The following GSDME variants were observed in gnomAD, a reference collection of about 807,000 sequenced individuals.
GSDME encodes gasdermin E, also known as gasdermin-E.
GSDME carries 44 observed loss-of-function variants against 47.5 expected under a neutral mutation model. The observed-to-expected ratio is 0.93, with a 90% CI of 0.73 to 1.19. The LOEUF is 1.19. GSDME is among the 50% of genes most tolerant of loss of function. The pLI is 0.00. For synonymous variants in GSDME, 258 were observed against 252.8 expected, an observed-to-expected ratio of 1.02 and a Z score of -0.20; for missense variants, 663 against 604.2, an observed-to-expected ratio of 1.10 and a Z score of -1.02.
Position 24,744,786 on chromosome 7 carries a change from A to G in GSDME, c.212-32T>C, listed in dbSNP as rs751218172. On this transcript the variant is annotated intron_variant, in intron 2 of 9. Coordinates refer to ENST00000645220, the MANE Select transcript of GSDME (RefSeq NM_001127453.2). This position sits in a 1 kb window ranked among gnomAD's most constrained non-coding sequence, Gnocchi z 4.5. ...TGGAGGAGACGAGCAGAGGAAGCCG[A>G]TGATGATAAGGCCACCAAGATGTCT... 1.9e-5 allele frequency: 30 copies of G among 1,607,916 alleles called. No homozygotes were observed. The highest frequency in any genetic ancestry group is 2.5e-5 in the Non-Finnish European group (30 of 1,178,718).
At chr7:24,772,825 C>T in the GSDME span, among the ~76,000 whole-genome samples, 2 of 152,100 alleles carry the variant, frequency 1.3e-5, no homozygotes, top group South Asian at 4.2e-4. This position sits in a 1 kb window ranked among gnomAD's most constrained non-coding sequence, Gnocchi z 4.5. Context: ...ACTGGTTGCC[C>T]GGTTGCCTCT....
upstream of GSDME, among the ~76,000 whole-genome samples, chr7:24,759,826 C>G (rs891984038): frequency 6.6e-6 from 1 of 152,222 alleles, no homozygotes; most frequent in African/African-American, 2.4e-5. Context: ...GCTGCTCTCC[C>G]TGTCCAATGG....
At position 24,714,850 on chromosome 7, in the gene GSDME, C is replaced by T. The variant is rs572938188; in HGVS notation, c.697+2404G>A. Among the ~76,000 whole-genome samples, 2 of 152,252 alleles carry T rather than the reference C, an allele frequency of 1.3e-5. No homozygotes were observed. The highest frequency in any genetic ancestry group is 4.2e-4 in the South Asian group (2 of 4,810). On this transcript the variant is annotated intron_variant, in intron 5 of 9. Transcript: ENST00000645220. This position sits in a 1 kb window ranked among gnomAD's most constrained non-coding sequence, Gnocchi z 5.0. ...GCAGCCCAGGCCTGGGTCCCCGCCA[C>T]CGAAGGGTCCGCAGAGCACTCCTGG...
At chr7:24,727,758 C>A (rs543359288) in intron 3 of GSDME, among the ~76,000 whole-genome samples, 2 of 152,214 alleles carry the variant, frequency 1.3e-5, no homozygotes, top group Non-Finnish European at 2.9e-5. Context: ...AGTAACTGCC[C>A]CCCTAAAATC....
the GSDME span, among the ~76,000 whole-genome samples, chr7:24,791,767 C>T: frequency 7.9e-5 from 12 of 152,352 alleles, no homozygotes; most frequent in Admixed American, 7.8e-4. This position sits in a 1 kb window ranked among gnomAD's most constrained non-coding sequence, Gnocchi z 4.8. Context: ...TACCACCAGA[C>T]ATCCTCTCGG....
At chr7:24,772,910 T>A in the GSDME span, among the ~76,000 whole-genome samples, 3 of 152,242 alleles carry the variant, frequency 2.0e-5, no homozygotes, top group African/African-American at 7.2e-5. The surrounding 1 kb of genome is among the most constrained non-coding windows in gnomAD (Gnocchi z 4.5). Context: ...AGATAAAGAA[T>A]CTAATTGCTA....
intron 7 of GSDME, chr7:24,707,239 G>A (rs1361174423): frequency 2.6e-5 from 12 of 462,922 alleles, no homozygotes; most frequent in Non-Finnish European, 8.9e-6. Flanking sequence ...CAAACTCCCT[G>A]CATAATATAA....
upstream of GSDME, among the ~76,000 whole-genome samples, chr7:24,759,176 T>C (rs1440490487): frequency 6.6e-6 from 1 of 152,238 alleles, no homozygotes; most frequent in African/African-American, 2.4e-5. Context: ...ATTGGTTCTC[T>C]ATCATTATAA....
intron 4 of GSDME, among the ~76,000 whole-genome samples, 167 bp from the exon 5 acceptor site, chr7:24,717,541 C>G (rs1022087683): frequency 3.3e-5 from 5 of 152,138 alleles, no homozygotes; most frequent in African/African-American, 1.2e-4. Flanking sequence ...GGGATTCAAT[C>G]CTTGTTGGCA....
chr7:24,755,375 T>C lies in GSDME; in HGVS notation c.-20+2021A>G, dbSNP rs181927659. On this transcript the variant is annotated intron_variant, in intron 1 of 9. Coordinates refer to ENST00000645220, the MANE Select transcript of GSDME (RefSeq NM_001127453.2). ...TGACCAATCACAGCTATAGCCTCTCTCTGGCCTTCTCTCATTTTTGACGAG... is the reference window on the plus strand; with the variant it reads ...TGACCAATCACAGCTATAGCCTCTCCCTGGCCTTCTCTCATTTTTGACGAG... Among the ~76,000 whole-genome samples the C allele has an allele frequency of 1.4e-3, 208 of 152,298 alleles. 2 individuals carry two copies. Among genetic ancestry groups the C allele is most frequent in the Non-Finnish European group, 2.1e-3 (143 of 68,020 alleles).
chr7:24,735,138 T>C lies in GSDME; in HGVS notation c.404+9424A>G, dbSNP rs1458516124. ...CTTTAAAGGCCAGGAGAGAGTGGCA[T>C]GACATATCTAAAGTGCTGAAGGAAA... On this transcript the variant is annotated intron_variant, in intron 3 of 9. Transcript: ENST00000645220. The surrounding 1 kb of genome is among the most constrained non-coding windows in gnomAD (Gnocchi z 4.4). Among the ~76,000 whole-genome samples the C allele has an allele frequency of 6.6e-6, 1 of 152,200 alleles. No individual in the cohort carries two copies. The highest frequency in any genetic ancestry group is 6.5e-5 in the Admixed American group (1 of 15,286).
chr7:24,708,754 A>G (rs1015534031), intron 6 of GSDME, among the ~76,000 whole-genome samples: 5 of 152,104 alleles, frequency 3.3e-5, no homozygotes, highest in African/African-American at 1.2e-4. Context: ...CTGGCACCCT[A>G]TTTTCATGGC....
chr7:24,757,185 G>A lies in GSDME; in HGVS notation c.-20+211C>T, dbSNP rs1791056319. 6.6e-6 allele frequency among the ~76,000 whole-genome samples: 1 copy of A among 151,650 alleles called. No individual in the cohort carries two copies. The highest frequency in any genetic ancestry group is 2.1e-4 in the South Asian group (1 of 4,804). On this transcript the variant is annotated intron_variant, in intron 1 of 9. Transcript: ENST00000645220. This position sits in a 1 kb window ranked among gnomAD's most constrained non-coding sequence, Gnocchi z 5.9. ...TGGGAGGGGACCGGGCCGGGAATGC[G>A]GGAGGCGAGGGGAGCGACGGGACCT...
At chr7:24,703,859 G>A (rs10486429) in intron 8 of GSDME, 5,864 of 152,336 alleles carry the variant, frequency 0.038, 158 homozygotes, top group Non-Finnish European at 0.057. Flanking sequence ...AAGCAGGAAG[G>A]TGAAGACGGA....
rs368099213 is a variant in GSDME, at chr7:24,740,146, G to C, written c.404+4416C>G. On this transcript the variant is annotated intron_variant, in intron 3 of 9. Coordinates refer to ENST00000645220, the MANE Select transcript of GSDME (RefSeq NM_001127453.2). ...ATTTGCAACAACAGGGATGGAACTG[G>C]AGGTCATTATGTTAAACAAAATAAA... Among the ~76,000 whole-genome samples, 5 of 151,274 alleles carry C rather than the reference G, an allele frequency of 3.3e-5. No individual in the cohort carries two copies. The East Asian group carries it at 5.8e-4, about 18-fold the overall frequency.
At chr7:24,772,391 T>A in the GSDME span, among the ~76,000 whole-genome samples, 1 of 152,258 alleles carries the variant, frequency 6.6e-6, no homozygotes, top group African/African-American at 2.4e-5. This position sits in a 1 kb window ranked among gnomAD's most constrained non-coding sequence, Gnocchi z 4.5. Context: ...TTCTTAATTG[T>A]AATTAATGAA....
chr7:24,711,147 G>C (rs1046598695), intron 5 of GSDME, among the ~76,000 whole-genome samples: 23 of 152,310 alleles, frequency 1.5e-4, no homozygotes, highest in Admixed American at 3.3e-4. Context: ...CTGGATGGTG[G>C]GCACATGGGA....
Position 24,728,297 on chromosome 7 carries a change from C to A in GSDME, c.405-9079G>T, listed in dbSNP as rs1790036207. On this transcript the variant is annotated intron_variant, in intron 3 of 9. Coordinates refer to ENST00000645220, the MANE Select transcript of GSDME (RefSeq NM_001127453.2). This position sits in a 1 kb window ranked among gnomAD's most constrained non-coding sequence, Gnocchi z 7.2. The stretch of plus-strand genomic sequence containing the variant: ...GAGCTGCCAGGACAGATGGCGGCTG[C>A]CACAGGGGCCCACAGAGCCACCGAA... Among the ~76,000 whole-genome samples the A allele has an allele frequency of 6.6e-6, 1 of 152,184 alleles. No homozygotes were observed. Among genetic ancestry groups the A allele is most frequent in the African/African-American group, 2.4e-5 (1 of 41,456 alleles).
At chr7:24,774,582 G>C in the GSDME span, among the ~76,000 whole-genome samples, 32 of 152,010 alleles carry the variant, frequency 2.1e-4, 1 homozygote, top group Middle Eastern at 6.8e-3. Context: ...ACCCAGGCTT[G>C]AGTGTGGTGG....
Sources: allele counts gnomAD v4.1 joint callset (sites outside exome capture counted in the v4.1 genomes callset), GRCh38; gene constraint gnomAD v4.1.1; non-coding constraint Gnocchi (gnomAD v3.1); transcripts MANE v1.5; gene names NCBI Gene and HGNC (gene_info 2026-07-23, HGNC 2026-07-21).